KCNK17: variants seen among roughly 807,000 people sequenced by gnomAD.
The protein encoded by KCNK17 is potassium two pore domain channel subfamily K member 17.
In KCNK17, 27 loss-of-function variants were observed where a neutral mutation model predicts 24.6. That is an observed-to-expected ratio of 1.10 (90% CI 0.81 to 1.51). The LOEUF (loss-of-function observed/expected upper bound fraction) is 1.51, where lower values mean the gene tolerates loss of function less well. Ranked by LOEUF, KCNK17 falls within the 40% of genes most tolerant of loss-of-function variation. The pLI is 0.00. For missense variants in KCNK17, 450 were observed against 436.6 expected (o/e 1.03, Z -0.27); for synonymous variants, 181 against 189.8 (o/e 0.95, Z 0.38).
At chr6:39,300,618 G>T in intron 4 of KCNK17, 1 of 1,285,568 alleles carries the variant, frequency 7.8e-7, no homozygotes, top group Non-Finnish European at 1.1e-6. Flanking sequence ...CTTCACCTGT[G>T]AGATGGGGAA....
intron 4 of KCNK17, 129 bp from the exon 5 acceptor site, chr6:39,299,866 A>T: frequency 1.1e-6 from 1 of 930,946 alleles, no homozygotes; most frequent in Non-Finnish European, 1.6e-6. Flanking sequence ...GAACATGGAG[A>T]CTCCTAGCCT....
chr6:39,299,407 G>T lies in KCNK17; in HGVS notation c.*20C>A. 2 of 1,589,060 alleles carry T rather than the reference G, an allele frequency of 1.3e-6. No individual in the cohort carries two copies. The highest frequency in any genetic ancestry group is 2.2e-5 in the South Asian group (2 of 89,314). On this transcript the variant is annotated 3_prime_UTR_variant, in exon 5 of 5. Coordinates refer to ENST00000373231, the MANE Select transcript of KCNK17 (RefSeq NM_031460.4). The stretch of plus-strand genomic sequence containing the variant: ...CAGGGGTCTTGCTACCGAGGACGAC[G>T]ACCAAAGAATGGAGTATAACTAGCT...
chr6:39,302,692 T>C (rs947463391), intron 4 of KCNK17, among the ~76,000 whole-genome samples: 5 of 152,204 alleles, frequency 3.3e-5, no homozygotes, highest in African/African-American at 1.2e-4. Context: ...GGTGCAGGTA[T>C]GGCCCTTGGA....
rs78968777 is a variant in KCNK17, at chr6:39,306,750, C to T, written c.353-2095G>A. Among the ~76,000 whole-genome samples the T allele has an allele frequency of 5.6e-3, 843 of 149,286 alleles. 13 individuals carry two copies. The highest frequency in any genetic ancestry group is 0.02 in the African/African-American group (798 of 40,104). On this transcript the variant is annotated intron_variant, in intron 2 of 4. Transcript: ENST00000373231. ...GCTGTGGGACCTTGGGCAAGTGGCT[C>T]GATCTTTCTTTCTTTGTTTTTTTTT...
intron 2 of KCNK17, among the ~76,000 whole-genome samples, chr6:39,308,043 A>G (rs549234385): frequency 3.0e-4 from 45 of 152,066 alleles, no homozygotes; most frequent in Non-Finnish European, 5.3e-4. Flanking sequence ...TGGACACCCC[A>G]CCTACAATAG....
intron 1 of KCNK17, 49 bp downstream of exon 1, chr6:39,314,035 C>A (rs766412671): frequency 7.0e-7 from 1 of 1,429,798 alleles, no homozygotes. Context: ...CACCCCGCGG[C>A]CCGCTACCCC....
At chr6:39,311,492 C>T (rs1201722287) in intron 1 of KCNK17, among the ~76,000 whole-genome samples, 1 of 152,188 alleles carries the variant, frequency 6.6e-6, no homozygotes, top group African/African-American at 2.4e-5. Flanking sequence ...TGCAGCTACA[C>T]AATCCTGGGC....
At chr6:39,310,817 G>A (rs1029934151) in intron 2 of KCNK17, 76 bp downstream of exon 2, 36 of 974,326 alleles carry the variant, frequency 3.7e-5, no homozygotes, top group Admixed American at 8.4e-5. Context: ...CCCTCCAAAA[G>A]GCAACTAGCC....
chr6:39,304,285 C>T (rs1562081570), intron 3 of KCNK17, 154 bp from the exon 4 acceptor site: 2 of 817,804 alleles, frequency 2.4e-6, no homozygotes, highest in Non-Finnish European at 3.8e-6. Flanking sequence ...GCCTGTGCCT[C>T]ATGTCCTTCC....
At chr6:39,308,895 T>A (rs1023232610) in intron 2 of KCNK17, among the ~76,000 whole-genome samples, 1 of 152,228 alleles carries the variant, frequency 6.6e-6, no homozygotes, top group Non-Finnish European at 1.5e-5. Context: ...TGTAAGTGCA[T>A]ACAGGTGTGG....
rs1761916608 is a variant in KCNK17 at position 39,299,653 on chromosome 6, A to G, written c.773T>C (p.Leu258Ser). The G allele has an allele frequency of 1.2e-6, 2 of 1,614,012 alleles. No homozygotes were observed. The highest frequency in any genetic ancestry group is 3.3e-5 in the Admixed American group (2 of 60,006). Residue 258 changes from leucine (L) to serine (S), a missense_variant, in exon 5 of 5, where the codon TTG becomes TCG. By Grantham distance (145) the Leu-to-Ser change is moderately radical (BLOSUM62 -2). Coordinates refer to ENST00000373231, the MANE Select transcript of KCNK17 (RefSeq NM_031460.4). The part of the protein sequence containing the change: ...WILFGMAWLA[L>S]IIKLILSQLE... ...CTGGGAGAGGATGAGTTTGATGATC[A>G]AGGCCAGCCATGCCATCCCAAAGAG...
chr6:39,314,309 C>T lies in KCNK17; in HGVS notation c.12G>A (p.Pro4=). The T allele has an allele frequency of 6.9e-7, 1 of 1,458,124 alleles. No individual in the cohort carries two copies. Among genetic ancestry groups the T allele is most frequent in the African/African-American group, 1.5e-5 (1 of 68,604 alleles). The allele number at this position is 1,458,124 out of a possible 1,614,324, so 90.3% of individuals were successfully genotyped here. The change falls in exon 1 of 5, where the codon CCG becomes CCA. Residue 4 remains proline (P), a synonymous_variant. Transcript: ENST00000373231. MYR[P]RARAAPEGRV... ...TGCCCTCGGGAGCCGCCCGGGCTCGCGGTCGGTACATAGCGGGAGAGGCGG... is the reference window on the plus strand; with the variant it reads ...TGCCCTCGGGAGCCGCCCGGGCTCGTGGTCGGTACATAGCGGGAGAGGCGG...
chr6:39,304,845 C>T (rs1182952559), intron 2 of KCNK17, among the ~76,000 whole-genome samples, 190 bp from the exon 3 acceptor site: 1 of 152,206 alleles, frequency 6.6e-6, no homozygotes, highest in East Asian at 1.9e-4. Context: ...CATTCATTCC[C>T]TCAGTTCACC....
At chr6:39,312,713 G>A (rs1276231712) in intron 1 of KCNK17, among the ~76,000 whole-genome samples, 3 of 152,204 alleles carry the variant, frequency 2.0e-5, no homozygotes, top group African/African-American at 7.2e-5. Flanking sequence ...GGCATTTACT[G>A]TTATTATAAT....
chr6:39,299,142 T>C lies in KCNK17; in HGVS notation c.*285A>G. 1 of 430,820 alleles carries C rather than the reference T, an allele frequency of 2.3e-6. No individual in the cohort carries two copies. The highest frequency in any genetic ancestry group is 4.2e-6 in the Non-Finnish European group (1 of 240,328). The allele number at this position is 430,820 out of a possible 1,614,324, so 26.7% of individuals were successfully genotyped here. On this transcript the variant is annotated 3_prime_UTR_variant, in exon 5 of 5. Coordinates refer to ENST00000373231, the MANE Select transcript of KCNK17 (RefSeq NM_031460.4). ...CCGCTCAAACATTGCCGCTACTTCATGGTGCCGTATGGCTGCCAGAGCTCC... is the reference window on the plus strand; with the variant it reads ...CCGCTCAAACATTGCCGCTACTTCACGGTGCCGTATGGCTGCCAGAGCTCC...
chr6:39,300,340 T>C lies in KCNK17; in HGVS notation c.689-603A>G, dbSNP rs142926524. The C allele has an allele frequency of 1.7e-3, 1,307 of 757,632 alleles. 15 individuals carry two copies. In the African/African-American group the frequency reaches 0.02, roughly 11 times the overall value. The allele number at this position is 757,632 out of a possible 1,614,324, so 46.9% of individuals were successfully genotyped here. A position where few individuals can be genotyped will look rare whatever the true frequency, so the allele number is the denominator to read the frequency against. Reference sequence around the variant, plus strand: ...GTTTCACCATTGTTGCCCAGGCTGGTCTTGAACTCCTGAGCTCAGGCAATC... The same window carrying C: ...GTTTCACCATTGTTGCCCAGGCTGGCCTTGAACTCCTGAGCTCAGGCAATC... On this transcript the variant is annotated intron_variant, in intron 4 of 4. Transcript: ENST00000373231.
At chr6:39,314,011 G>A (rs764874589) in intron 1 of KCNK17, 73 bp downstream of exon 1, 391 of 1,178,072 alleles carry the variant, frequency 3.3e-4, no homozygotes, top group Admixed American at 1.2e-3. Context: ...AGGCCCCCTC[G>A]CCCTCGGCCC....
At chr6:39,303,885 C>T in intron 4 of KCNK17, 72 bp downstream of exon 4, 4 of 1,529,172 alleles carry the variant, frequency 2.6e-6, no homozygotes, top group Non-Finnish European at 3.6e-6. Flanking sequence ...GGTGCGCCAG[C>T]TGCGGGAGCA....
In KCNK17 at chr6:39,314,220, G is replaced by A; in HGVS notation, c.101C>T (p.Ala34Val). Residue 34 changes from alanine (A) to valine (V), a missense_variant, in exon 1 of 5, where the codon GCG (alanine) becomes GTG (valine). Ala to Val is a moderately conservative substitution (Grantham distance 64). Coordinates refer to ENST00000373231, the MANE Select transcript of KCNK17 (RefSeq NM_031460.4). ...CGTCCAGAACACGCCGGTGCCCAGC[G>A]CCAGGTAAGCCAGGTAGGCGAGCAG... ...LLLLAYLAYL[A>V]LGTGVFWTLE... 6.5e-7 allele frequency: 1 copy of A among 1,539,844 alleles called. No homozygotes were observed.
Sources: gnomAD v4.1 joint callset for allele counts (sites outside exome capture counted in the v4.1 genomes callset) on GRCh38, gnomAD v4.1.1 for gene constraint, MANE v1.5 for transcripts, NCBI Gene and HGNC (gene_info 2026-07-23, HGNC 2026-07-21) for gene names.